The following NAV3 variants were observed in gnomAD, a reference collection of about 807,000 sequenced individuals.
The protein encoded by NAV3 is pore membrane and/or filament interacting like protein 1.
A neutral mutation model predicts 244.7 loss-of-function variants in NAV3; 87 were observed. The observed-to-expected ratio is 0.36, with a 90% confidence interval of 0.30 to 0.42. The LOEUF is 0.42. Among genes scored for constraint, NAV3 ranks in the 20% least tolerant of loss-of-function variants. The pLI, the probability that NAV3 is intolerant of heterozygous loss-of-function variation, is 1.00. For missense variants in NAV3, 2,663 were observed against 2,893.3 expected (o/e 0.92, Z 1.83); for synonymous variants, 1,126 against 1,042.2 (o/e 1.08, Z -1.55).
At chr12:78,118,395 A>C in intron 14 of NAV3, 98 bp downstream of exon 14, 1 of 1,431,610 alleles carries the variant, frequency 7.0e-7, no homozygotes, top group Non-Finnish European at 9.4e-7. Context: ...CTAAAATACC[A>C]AATTCTTATC....
In NAV3 at chr12:78,046,872, C is replaced by T. The variant is rs1312568845; in HGVS notation, c.2024-3121C>T. Among the ~76,000 whole-genome samples, 3 of 152,200 alleles carry T rather than the reference C, an allele frequency of 2.0e-5. No individual in the cohort carries two copies. In the East Asian group the frequency reaches 5.8e-4, roughly 29 times the overall value. ...TATTATTGTGTGGGAGTCCAAGTCT[C>T]TTTGTAGGTCTCTAAGAACTTGCTT... On this transcript the variant is annotated intron_variant, in intron 9 of 39. Transcript: ENST00000397909.
intron 12 of NAV3, among the ~76,000 whole-genome samples, chr12:78,062,077 C>T (rs748625027): frequency 1.1e-4 from 16 of 152,050 alleles, no homozygotes; most frequent in Non-Finnish European, 1.8e-4. Flanking sequence ...TGCAGCATGC[C>T]GTTGATTTTT....
chr12:78,128,048 T>C (rs984514223), intron 17 of NAV3, among the ~76,000 whole-genome samples: 2 of 152,146 alleles, frequency 1.3e-5, no homozygotes, highest in African/African-American at 2.4e-5. Context: ...AAGAATATAC[T>C]TAGTTTGGTG....
chr12:78,160,852 T>C (rs917890145), intron 23 of NAV3, among the ~76,000 whole-genome samples: 10 of 151,124 alleles, frequency 6.6e-5, no homozygotes, highest in African/African-American at 2.4e-4. Flanking sequence ...CTTTCCTCCC[T>C]CCCTCCCTCC....
chr12:77,634,084 G>A (rs1872044658), intron 2 of NAV3, among the ~76,000 whole-genome samples: 1 of 149,938 alleles, frequency 6.7e-6, no homozygotes, highest in African/African-American at 2.5e-5. Context: ...ATATTTTTGT[G>A]TGTATTTTAA....
intron 8 of NAV3, among the ~76,000 whole-genome samples, chr12:78,018,196 G>A (rs1006819544): frequency 7.9e-5 from 12 of 152,022 alleles, no homozygotes; most frequent in African/African-American, 2.9e-4. Context: ...TAAACTAAAA[G>A]ACATAAAAGA....
intron 2 of NAV3, among the ~76,000 whole-genome samples, chr12:77,638,264 T>TC (rs139044361): frequency 0.23 from 34,795 of 152,128 alleles, 4,410 homozygotes; most frequent in African/African-American, 0.34. Context: ...AGGGAATGGT[T>TC]ACCCCTGCTT....
chr12:78,199,250 A>G (rs562980092), intron 36 of NAV3, 85 bp from the exon 37 acceptor site: 1 of 1,053,676 alleles, frequency 9.5e-7, no homozygotes, highest in African/African-American at 1.6e-5. Context: ...AGTAATAATG[A>G]ATAAATAAAT....
At chr12:78,128,141 A>G (rs1037119739) in intron 17 of NAV3, among the ~76,000 whole-genome samples, 1 of 151,892 alleles carries the variant, frequency 6.6e-6, no homozygotes, top group Non-Finnish European at 1.5e-5. Context: ...ATAGCTGGCA[A>G]TTATTCCATG....
intron 2 of NAV3, among the ~76,000 whole-genome samples, chr12:77,593,372 CCCCTTGTTCTCTCCCTGTCTTTCTCTCTT>C (rs939253547): frequency 4.6e-5 from 7 of 151,702 alleles, no homozygotes; most frequent in Admixed American, 2.0e-4. Flanking sequence ...TCTTCTCTCT[CCCCTTGTTCTCTCCCTGTCTTTCTCTCTT>C]CCAAACAGCC....
chr12:77,743,899 A>G (rs1335790622), intron 2 of NAV3, among the ~76,000 whole-genome samples: 1 of 151,882 alleles, frequency 6.6e-6, no homozygotes, highest in African/African-American at 2.4e-5. Context: ...AAGAAGAGGT[A>G]GAAACTGTAA....
intron 2 of NAV3, among the ~76,000 whole-genome samples, chr12:77,773,757 C>T (rs1870215711): frequency 6.6e-6 from 1 of 152,030 alleles, no homozygotes; most frequent in Admixed American, 6.6e-5. Context: ...ATGCAGTTTT[C>T]CCAGTATACA....
chr12:78,064,399 CTGT>C (rs1472903826), intron 12 of NAV3, among the ~76,000 whole-genome samples: 2 of 108,350 alleles, frequency 1.8e-5, no homozygotes, highest in Non-Finnish European at 4.2e-5. Flanking sequence ...CTATCTGTGT[CTGT>C]CTGTCTGTCT....
At chr12:77,665,057 T>G (rs1289990634) in intron 2 of NAV3, among the ~76,000 whole-genome samples, 3 of 152,234 alleles carry the variant, frequency 2.0e-5, no homozygotes, top group Non-Finnish European at 4.4e-5. Context: ...ATGAAAGTTA[T>G]GTAAACAAGT....
At chr12:78,017,115 C>A (rs1180562285) in intron 8 of NAV3, among the ~76,000 whole-genome samples, 3 of 152,058 alleles carry the variant, frequency 2.0e-5, no homozygotes, top group East Asian at 1.9e-4. Context: ...GTCTTAATTT[C>A]TTTATCTGCA....
In NAV3 at chr12:77,734,859, A is replaced by C. The variant is rs191841612; in HGVS notation, c.72+162593A>C. ...AAAGTAAATACTAGAACGCAAAAAC[A>C]ACAGAATTACTACTGAAGGGCAGGA... On this transcript the variant is annotated intron_variant, in intron 2 of 8. Transcript: ENST00000550042. 2.6e-5 allele frequency among the ~76,000 whole-genome samples: 4 copies of C among 152,320 alleles called. No homozygotes were observed. The East Asian group carries it at 7.7e-4, about 29-fold the overall frequency.
chr12:78,209,235 C>A (rs1316152239), intron 39 of NAV3, among the ~76,000 whole-genome samples: 1 of 152,080 alleles, frequency 6.6e-6, no homozygotes, highest in Admixed American at 6.6e-5. Flanking sequence ...ACCAGTTTAT[C>A]ATTTATTTCA....
At chr12:78,100,082 A>T (rs1277678857) in intron 12 of NAV3, among the ~76,000 whole-genome samples, 1 of 151,942 alleles carries the variant, frequency 6.6e-6, no homozygotes, top group African/African-American at 2.4e-5. Context: ...CTTTACTCAA[A>T]ACCCACATGG....
chr12:77,681,893 G>A (rs1255265602), intron 2 of NAV3, among the ~76,000 whole-genome samples: 3 of 151,986 alleles, frequency 2.0e-5, no homozygotes, highest in South Asian at 2.1e-4. Flanking sequence ...TACATTTATG[G>A]TACAAAATGA....
Sources: allele counts gnomAD v4.1 joint callset (sites outside exome capture counted in the v4.1 genomes callset), GRCh38; gene constraint gnomAD v4.1.1; transcripts MANE v1.5; gene names NCBI Gene and HGNC (gene_info 2026-07-23, HGNC 2026-07-21).